TRMT11: variants seen among roughly 807,000 people sequenced by gnomAD.
TRMT11 encodes tRNA (guanine(10)-N(2))-methyltransferase TRMT11.
Under a neutral mutation model 62.8 loss-of-function variants are expected in TRMT11, and 53 were observed. The observed-to-expected ratio is 0.84, with a 90% CI of 0.68 to 1.06. The LOEUF (loss-of-function observed/expected upper bound fraction) is 1.06, where lower values mean the gene tolerates loss of function less well. Among genes scored for constraint, TRMT11 ranks in the 50% least tolerant of loss-of-function variants. The pLI is 0.00. For synonymous variants in TRMT11, 188 were observed against 190.3 expected, an observed-to-expected ratio of 0.99 and a Z score of 0.10; for missense variants, 556 against 553.4, an observed-to-expected ratio of 1.00 and a Z score of -0.05.
At chr6:126,120,841 T>C (rs1213329929) in intron 21 of TRMT11, among the ~76,000 whole-genome samples, 1 of 152,124 alleles carries the variant, frequency 6.6e-6, no homozygotes, top group Non-Finnish European at 1.5e-5. Context: ...TATTAAATAG[T>C]TTCATCTATT....
At chr6:126,189,559 C>T (rs1351825606) in intron 1 of TRMT11, among the ~76,000 whole-genome samples, 12 of 151,972 alleles carry the variant, frequency 7.9e-5, no homozygotes, top group Admixed American at 7.9e-4. Context: ...TAATTCCTTC[C>T]CTTAGGGTTA....
chr6:126,236,963 C>T, the TRMT11 span, among the ~76,000 whole-genome samples: 28 of 152,136 alleles, frequency 1.8e-4, no homozygotes, highest in Non-Finnish European at 3.8e-4. Flanking sequence ...GCATCACTCA[C>T]AGGAAATCTT....
chr6:126,235,815 A>G, the TRMT11 span, among the ~76,000 whole-genome samples: 2 of 152,202 alleles, frequency 1.3e-5, no homozygotes, highest in East Asian at 1.9e-4. Flanking sequence ...ATATTTCCCT[A>G]TGTAACAAAG....
intron 1 of TRMT11, among the ~76,000 whole-genome samples, chr6:126,184,054 A>G (rs987953700): frequency 6.6e-6 from 1 of 152,184 alleles, no homozygotes; most frequent in Non-Finnish European, 1.5e-5. Flanking sequence ...GCCCTAATAT[A>G]TCTTATTTGG....
At chr6:126,118,574 C>T (rs936872328) in intron 21 of TRMT11, among the ~76,000 whole-genome samples, 2 of 152,000 alleles carry the variant, frequency 1.3e-5, no homozygotes, top group African/African-American at 4.8e-5. Context: ...AGCATTGATT[C>T]CTAGGGAGAT....
chr6:126,116,127 G>A (rs1777584282), intron 21 of TRMT11, among the ~76,000 whole-genome samples: 1 of 150,068 alleles, frequency 6.7e-6, no homozygotes, highest in Admixed American at 6.7e-5. Flanking sequence ...AACTCAAAAT[G>A]CCTTCTCATT....
At chr6:126,205,035 T>C (rs1303489744), downstream of TRMT11, among the ~76,000 whole-genome samples, 1 of 152,224 alleles carries the variant, frequency 6.6e-6, no homozygotes. Flanking sequence ...TTGTTTGTAA[T>C]GTAAAAATGT....
Position 126,038,888 on chromosome 6 carries a change from A to C in TRMT11, c.*52A>C. ...GAATAAGAATTTGATTTAAAAAGAC[A>C]TCTGGATGTGAACTTTCATGTATGA... On this transcript the variant is annotated 3_prime_UTR_variant, in exon 13 of 13. Coordinates refer to ENST00000334379, the MANE Select transcript of TRMT11 (RefSeq NM_001031712.3). 1 of 1,480,238 alleles carries C rather than the reference A, an allele frequency of 6.8e-7. No individual in the cohort carries two copies. Among genetic ancestry groups the C allele is most frequent in the Non-Finnish European group, 9.2e-7 (1 of 1,090,646 alleles). The allele number at this position is 1,480,238 out of a possible 1,614,324, so 91.7% of individuals were successfully genotyped here.
intron 8 of TRMT11, among the ~76,000 whole-genome samples, chr6:126,010,735 A>G (rs897280595): frequency 6.6e-6 from 1 of 152,008 alleles, no homozygotes; most frequent in Non-Finnish European, 1.5e-5. Flanking sequence ...TGGTGTCATC[A>G]TCCTAAACTA....
intron 12 of TRMT11, among the ~76,000 whole-genome samples, chr6:126,033,646 G>A (rs2128054515): frequency 6.6e-6 from 1 of 152,200 alleles, no homozygotes; most frequent in South Asian, 2.1e-4. Context: ...CTGAGGAAAA[G>A]GCCAGCCTGG....
intron 1 of TRMT11, among the ~76,000 whole-genome samples, chr6:126,195,735 G>T (rs182245782): frequency 5.8e-4 from 88 of 152,256 alleles, no homozygotes; most frequent in African/African-American, 2.0e-3. Context: ...AACCAATCAT[G>T]GTTGTTTCCC....
rs1043049667 is a variant in TRMT11 at position 126,038,086 on chromosome 6, T to A, written c.1261-619T>A. 3.9e-5 allele frequency among the ~76,000 whole-genome samples: 6 copies of A among 152,208 alleles called. No individual in the cohort carries two copies. The South Asian group carries it at 1.0e-3, about 26-fold the overall frequency. On this transcript the variant is annotated intron_variant, in intron 12 of 12. Transcript: ENST00000334379. The stretch of plus-strand genomic sequence containing the variant: ...TGTTTGACATTAACCCAGGTTGCTA[T>A]TACCATTAGACGTCAGTCTGAGCAG...
chr6:126,007,716 T>C (rs1374663242), intron 7 of TRMT11, among the ~76,000 whole-genome samples: 2 of 151,992 alleles, frequency 1.3e-5, no homozygotes, highest in Non-Finnish European at 2.9e-5. Flanking sequence ...TCTGGTCAGA[T>C]TGTATTGGGA....
chr6:126,051,843 T>C (rs1776228164), intron 16 of TRMT11, among the ~76,000 whole-genome samples: 1 of 152,076 alleles, frequency 6.6e-6, no homozygotes, highest in Non-Finnish European at 1.5e-5. Flanking sequence ...CTTTTGAGTA[T>C]CCAAGAGCAA....
At chr6:126,008,270 G>A (rs929912541) in intron 7 of TRMT11, 122 bp from the exon 8 acceptor site, 4 of 841,690 alleles carry the variant, frequency 4.8e-6, no homozygotes, top group African/African-American at 1.7e-5. Context: ...AATATGTTAC[G>A]ACCAATGTCA....
chr6:126,062,352 T>G (rs1442997842), intron 17 of TRMT11, among the ~76,000 whole-genome samples: 5 of 152,228 alleles, frequency 3.3e-5, no homozygotes, highest in Non-Finnish European at 7.3e-5. Context: ...CACTACAACT[T>G]TACACTTTGT....
In TRMT11 at chr6:126,008,489, G is replaced by A; in HGVS notation, c.760+17G>A. 1 of 1,601,428 alleles carries A rather than the reference G, an allele frequency of 6.2e-7. No homozygotes were observed. Among genetic ancestry groups the A allele is most frequent in the Non-Finnish European group, 8.6e-7 (1 of 1,168,760 alleles). The stretch of plus-strand genomic sequence containing the variant: ...ATGGCTTGGGTGAGTAGAGATTATA[G>A]ACAGTATTATAGTCATTGCTGTGGT... On this transcript the variant is annotated intron_variant, in intron 8 of 12. Transcript: ENST00000334379.
At chr6:126,068,526 T>A (rs1776754851) in intron 17 of TRMT11, among the ~76,000 whole-genome samples, 2 of 152,216 alleles carry the variant, frequency 1.3e-5, no homozygotes, top group Admixed American at 1.3e-4. Context: ...GTGCCATCTT[T>A]GGCATAATTC....
intron 17 of TRMT11, among the ~76,000 whole-genome samples, chr6:126,071,828 T>C (rs1021674738): frequency 1.3e-5 from 2 of 152,190 alleles, no homozygotes; most frequent in Admixed American, 6.5e-5. Flanking sequence ...GGTATATCAA[T>C]GATACTCAAA....
Sources: gnomAD v4.1 joint callset for allele counts (sites outside exome capture counted in the v4.1 genomes callset) on GRCh38, gnomAD v4.1.1 for gene constraint, MANE v1.5 for transcripts, NCBI Gene and HGNC (gene_info 2026-07-23, HGNC 2026-07-21) for gene names.